Variants in ARMC8 observed in about 807,000 individuals in gnomAD.
ARMC8 encodes the protein armadillo repeat-containing protein 8.
Under a neutral mutation model 99.3 loss-of-function variants are expected in ARMC8, and 20 were observed. The ratio of observed to expected loss-of-function variants is 0.20; its 90% CI spans 0.14 to 0.29. ARMC8 has a LOEUF of 0.29. Among genes scored for constraint, ARMC8 ranks in the 10% least tolerant of loss-of-function variants. The pLI is 1.00. For missense variants in ARMC8, 569 were observed against 809.5 expected (o/e 0.70, Z 3.60); for synonymous variants, 263 against 278.3 (o/e 0.95, Z 0.55).
chr3:138,292,331 C>G (rs1019205217), intron 21 of ARMC8, among the ~76,000 whole-genome samples: 1 of 152,236 alleles, frequency 6.6e-6, no homozygotes, highest in Non-Finnish European at 1.5e-5. Flanking sequence ...TGAGCCACCA[C>G]GCCGGGCCCT....
chr3:138,227,469 A>G (rs2045754240), intron 5 of ARMC8, among the ~76,000 whole-genome samples: 1 of 152,128 alleles, frequency 6.6e-6, no homozygotes, highest in Non-Finnish European at 1.5e-5. Flanking sequence ...CTGTACACTT[A>G]GTATCTGACT....
chr3:138,237,643 A>C (rs958031372), intron 9 of ARMC8, 71 bp downstream of exon 9: 5 of 1,302,818 alleles, frequency 3.8e-6, no homozygotes, highest in Non-Finnish European at 5.4e-6. Context: ...TGGACAACCA[A>C]ATTTGCTTGC....
intron 11 of ARMC8, among the ~76,000 whole-genome samples, chr3:138,244,825 G>A (rs1344112812): frequency 6.6e-6 from 1 of 152,100 alleles, no homozygotes; most frequent in Non-Finnish European, 1.5e-5. Context: ...GATTCACAAT[G>A]GTTTTTCATA....
intron 18 of ARMC8, among the ~76,000 whole-genome samples, chr3:138,282,784 A>G (rs954714372): frequency 2.0e-5 from 3 of 151,834 alleles, no homozygotes; most frequent in South Asian, 2.1e-4. Flanking sequence ...TTGACTGTCA[A>G]CTCTTCCCCA....
intron 5 of ARMC8, 104 bp from the exon 6 acceptor site, chr3:138,228,814 C>T (rs571410524): frequency 6.2e-5 from 43 of 694,762 alleles, no homozygotes; most frequent in Non-Finnish European, 1.0e-4. Context: ...GATTGACTGT[C>T]ATTAAGATAA....
At chr3:138,223,586 T>C in intron 4 of ARMC8, 50 bp from the exon 5 acceptor site, 1 of 1,613,924 alleles carries the variant, frequency 6.2e-7, no homozygotes, top group Non-Finnish European at 8.5e-7. Flanking sequence ...TTTGCAGTGC[T>C]TTAAATACTG....
chr3:138,209,987 C>T (rs2044603202), intron 2 of ARMC8, 94 bp downstream of exon 2: 3 of 872,134 alleles, frequency 3.4e-6, no homozygotes, highest in Non-Finnish European at 5.3e-6. Flanking sequence ...CAGGGTTATA[C>T]CTTTTTTCTT....
chr3:138,285,520 G>A (rs1009763570), intron 19 of ARMC8, among the ~76,000 whole-genome samples: 1 of 152,118 alleles, frequency 6.6e-6, no homozygotes, highest in African/African-American at 2.4e-5. Flanking sequence ...TGGCTTCTCT[G>A]CCTGGAACAC....
intron 2 of ARMC8, among the ~76,000 whole-genome samples, chr3:138,221,382 C>G (rs933769201): frequency 2.0e-5 from 3 of 151,794 alleles, no homozygotes; most frequent in African/African-American, 7.3e-5. Flanking sequence ...GTGCAATGGG[C>G]TAATATCACT....
chr3:138,203,796 T>C (rs569521018), intron 1 of ARMC8, among the ~76,000 whole-genome samples: 1 of 152,322 alleles, frequency 6.6e-6, no homozygotes, highest in East Asian at 1.9e-4. Context: ...GGAATACAAC[T>C]CATTACCTGT....
At chr3:138,272,678 C>G (rs1560026252) in intron 16 of ARMC8, among the ~76,000 whole-genome samples, 2 of 152,112 alleles carry the variant, frequency 1.3e-5, no homozygotes, top group Non-Finnish European at 2.9e-5. Flanking sequence ...AGTTCAAGAC[C>G]AGCCTGGCCA....
At chr3:138,233,825 A>G (rs1415096441) in intron 6 of ARMC8, among the ~76,000 whole-genome samples, 1 of 152,196 alleles carries the variant, frequency 6.6e-6, no homozygotes, top group East Asian at 1.9e-4. Flanking sequence ...CCGATAGCCA[A>G]CCTTTGTGAT....
intron 2 of ARMC8, among the ~76,000 whole-genome samples, chr3:138,216,819 A>G (rs2045073953): frequency 6.6e-6 from 1 of 152,234 alleles, no homozygotes; most frequent in Non-Finnish European, 1.5e-5. Context: ...CACATAGAGT[A>G]TTCCAAATAT....
In ARMC8 at chr3:138,232,659, T is replaced by G. The variant is rs150966643; in HGVS notation, c.529-2375T>G. ...CCAACAGATAAATGAGAAAACTCTT[T>G]TTGTGCTGATATGGATGATCTCTGA... On this transcript the variant is annotated intron_variant, in intron 6 of 21. Transcript: ENST00000469044. Among the ~76,000 whole-genome samples, 837 of 152,316 alleles carry G rather than the reference T, an allele frequency of 5.5e-3. 6 individuals carry two copies. The highest frequency in any genetic ancestry group is 0.019 in the African/African-American group (782 of 41,568).
intron 12 of ARMC8, among the ~76,000 whole-genome samples, chr3:138,248,500 A>G (rs2046981253): frequency 6.6e-6 from 1 of 152,254 alleles, no homozygotes; most frequent in African/African-American, 2.4e-5. Flanking sequence ...TTAATGGGAT[A>G]TTAAAAATGG....
chr3:138,242,449 G>T (rs752041627), intron 11 of ARMC8, among the ~76,000 whole-genome samples: 1 of 152,060 alleles, frequency 6.6e-6, no homozygotes, highest in Non-Finnish European at 1.5e-5. Flanking sequence ...TGTGCTTTGG[G>T]CCTGCTAGTG....
intron 1 of ARMC8, among the ~76,000 whole-genome samples, chr3:138,204,269 CTT>C (rs1005718931): frequency 6.6e-6 from 1 of 152,134 alleles, no homozygotes; most frequent in Non-Finnish European, 1.5e-5. Flanking sequence ...ATAATTCCCT[CTT>C]GTTATTGTAC....
At chr3:138,191,175 C>T in intron 1 of ARMC8, among the ~76,000 whole-genome samples, 1 of 152,154 alleles carries the variant, frequency 6.6e-6, no homozygotes, top group East Asian at 1.9e-4. Flanking sequence ...ATCCTAGGTA[C>T]TCAGTAAATG....
intron 15 of ARMC8, among the ~76,000 whole-genome samples, chr3:138,269,209 A>C (rs2048554712): frequency 6.6e-6 from 1 of 152,222 alleles, no homozygotes; most frequent in Admixed American, 6.5e-5. Context: ...TTTAAAATAT[A>C]ATTTGTACAG....
Sources: gnomAD v4.1 joint callset for allele counts (sites outside exome capture counted in the v4.1 genomes callset) on GRCh38, gnomAD v4.1.1 for gene constraint, MANE v1.5 for transcripts, NCBI Gene and HGNC (gene_info 2026-07-23, HGNC 2026-07-21) for gene names.